The following CDH13 variants were observed in gnomAD, a reference collection of about 807,000 sequenced individuals.
CDH13 encodes cadherin-13.
A neutral mutation model predicts 63.8 loss-of-function variants in CDH13; 24 were observed. The observed-to-expected ratio is 0.38, with a 90% CI of 0.27 to 0.53. CDH13 has a LOEUF of 0.53. Among genes scored for constraint, CDH13 ranks in the 20% least tolerant of loss-of-function variants. The probability of loss-of-function intolerance (pLI) is 0.85; values close to 1 mark genes in which losing one functional copy is unlikely to be tolerated. For missense variants in CDH13, 1,049 were observed against 903.1 expected (o/e 1.16, Z -2.07); for synonymous variants, 503 against 355.3 (o/e 1.42, Z -4.67).
intron 2 of CDH13, among the ~76,000 whole-genome samples, chr16:82,945,061 A>T (rs1464332421): frequency 6.6e-6 from 1 of 152,242 alleles, no homozygotes; most frequent in Non-Finnish European, 1.5e-5. Context: ...ACAAAAATAG[A>T]AACAGTCATT....
chr16:83,436,028 G>A (rs1038872579), intron 6 of CDH13, among the ~76,000 whole-genome samples: 10 of 152,180 alleles, frequency 6.6e-5, no homozygotes, highest in African/African-American at 2.4e-4. Flanking sequence ...TCATGACTCA[G>A]GGATGCTAGT....
chr16:83,186,260 T>C (rs2038520893), intron 4 of CDH13, among the ~76,000 whole-genome samples: 1 of 152,000 alleles, frequency 6.6e-6, no homozygotes, highest in African/African-American at 2.4e-5. Context: ...CGACTCAGCC[T>C]CCTGAGTAGC....
intron 1 of CDH13, among the ~76,000 whole-genome samples, chr16:82,806,851 A>G (rs754668901): frequency 9.2e-5 from 14 of 152,226 alleles, no homozygotes; most frequent in Non-Finnish European, 1.6e-4. Context: ...AGGACAAAAC[A>G]TAACTGAGAA....
chr16:83,006,932 G>GTTTT (rs369288331), intron 2 of CDH13, among the ~76,000 whole-genome samples: 11 of 121,760 alleles, frequency 9.0e-5, no homozygotes, highest in African/African-American at 3.5e-4. Flanking sequence ...TTGTTTGTTT[G>GTTTT]TTTTTTTTGA....
intron 2 of CDH13, among the ~76,000 whole-genome samples, chr16:82,986,388 G>A (rs1208335166): frequency 6.6e-6 from 1 of 152,192 alleles, no homozygotes; most frequent in Non-Finnish European, 1.5e-5. Flanking sequence ...TGCACACTGT[G>A]TATATAAAAG....
intron 6 of CDH13, among the ~76,000 whole-genome samples, chr16:83,375,048 G>C (rs925391159): frequency 1.3e-5 from 2 of 152,188 alleles, no homozygotes; most frequent in African/African-American, 4.8e-5. Flanking sequence ...GTAGGATTAA[G>C]AGCTGACAAA....
At chr16:83,524,655 T>C (rs1266253460) in intron 7 of CDH13, among the ~76,000 whole-genome samples, 1 of 152,008 alleles carries the variant, frequency 6.6e-6, no homozygotes, top group Non-Finnish European at 1.5e-5. Context: ...GGTTTCACCA[T>C]GTTAGCCAGG....
In CDH13 at chr16:83,244,070, C is replaced by CGT. The variant is rs1485112823; in HGVS notation, c.636+26573_636+26574insGT. ...TTCTGCCACCAAAATTAGAAACATACATAGGTGTCGAGCTTTCTGCTTGGT... is the reference window on the plus strand; with the variant it reads ...TTCTGCCACCAAAATTAGAAACATACGTATAGGTGTCGAGCTTTCTGCTTGGT... On this transcript the variant is annotated intron_variant, in intron 5 of 13. Transcript: ENST00000567109. Among the ~76,000 whole-genome samples, 67 of 152,094 alleles carry CGT rather than the reference C, an allele frequency of 4.4e-4. 1 individual carries two copies. The East Asian group carries it at 0.011, about 24-fold the overall frequency.
intron 3 of CDH13, among the ~76,000 whole-genome samples, chr16:83,111,989 C>G (rs1418181783): frequency 6.6e-6 from 1 of 152,128 alleles, no homozygotes; most frequent in Non-Finnish European, 1.5e-5. Context: ...AATATGTGCA[C>G]AAATTTTCTT....
chr16:83,372,532 C>T (rs541011307), intron 6 of CDH13, among the ~76,000 whole-genome samples: 2 of 151,912 alleles, frequency 1.3e-5, no homozygotes, highest in African/African-American at 4.8e-5. Context: ...GGCAGGTGGA[C>T]CACGAGGTCA....
At chr16:83,455,807 G>A (rs898728403) in intron 6 of CDH13, among the ~76,000 whole-genome samples, 4 of 152,190 alleles carry the variant, frequency 2.6e-5, no homozygotes, top group Non-Finnish European at 4.4e-5. Context: ...TGTTAGTGGC[G>A]CAGCTTTCCC....
At chr16:82,788,887 G>C (rs1459921329) in intron 1 of CDH13, among the ~76,000 whole-genome samples, 2 of 152,138 alleles carry the variant, frequency 1.3e-5, no homozygotes, top group Non-Finnish European at 2.9e-5. Context: ...TTAAGCCTTT[G>C]GATCAACTTT....
intron 3 of CDH13, among the ~76,000 whole-genome samples, chr16:83,060,917 C>G (rs1269483644): frequency 6.6e-6 from 1 of 152,158 alleles, no homozygotes; most frequent in African/African-American, 2.4e-5. Context: ...GTCATTTTCT[C>G]TCACCTGAAA....
At chr16:82,695,525 T>C (rs2030176087) in intron 1 of CDH13, among the ~76,000 whole-genome samples, 1 of 152,154 alleles carries the variant, frequency 6.6e-6, no homozygotes, top group Non-Finnish European at 1.5e-5. Context: ...CCCTTAGCTT[T>C]GGTGTGTGCT....
At chr16:82,805,169 A>G (rs561145844) in intron 1 of CDH13, among the ~76,000 whole-genome samples, 1 of 152,230 alleles carries the variant, frequency 6.6e-6, no homozygotes, top group South Asian at 2.1e-4. Flanking sequence ...CCCCAGGTCC[A>G]TGTGTCCTTC....
intron 8 of CDH13, among the ~76,000 whole-genome samples, chr16:83,635,502 C>G (rs1435673850): frequency 6.6e-6 from 1 of 151,716 alleles, no homozygotes; most frequent in African/African-American, 2.4e-5. Context: ...TGCCACCATG[C>G]CCAGCTAATT....
intron 4 of CDH13, among the ~76,000 whole-genome samples, chr16:83,189,398 C>G (rs537451797): frequency 6.6e-6 from 1 of 152,176 alleles, no homozygotes; most frequent in Non-Finnish European, 1.5e-5. Flanking sequence ...TATTCTCAAC[C>G]TCTGGTTCTT....
intron 1 of CDH13, among the ~76,000 whole-genome samples, chr16:82,840,000 TCAAA>T (rs2038938865): frequency 2.0e-5 from 3 of 152,202 alleles, no homozygotes; most frequent in Admixed American, 6.5e-5. Context: ...ACTTCTGGAC[TCAAA>T]CAGACATGAG....
chr16:83,487,912 A>G (rs1332622228), intron 7 of CDH13, among the ~76,000 whole-genome samples: 1 of 152,134 alleles, frequency 6.6e-6, no homozygotes, highest in Non-Finnish European at 1.5e-5. Context: ...AGCTGTCCTC[A>G]TCCACCTGAT....
Sources: allele counts gnomAD v4.1 joint callset (sites outside exome capture counted in the v4.1 genomes callset), GRCh38; gene constraint gnomAD v4.1.1; transcripts MANE v1.5; gene names NCBI Gene and HGNC (gene_info 2026-07-23, HGNC 2026-07-21).